Variants in SAMD3 observed in about 807,000 individuals in gnomAD.
SAMD3 encodes sterile alpha motif domain containing 3.
Under a neutral mutation model 58.5 loss-of-function variants are expected in SAMD3, and 63 were observed. That is an observed-to-expected ratio of 1.08 (90% CI 0.88 to 1.33). The LOEUF (loss-of-function observed/expected upper bound fraction) is 1.33, where lower values mean the gene tolerates loss of function less well. SAMD3 is among the 40% of genes most tolerant of loss of function. The probability of loss-of-function intolerance (pLI) is 0.00; values close to 1 mark genes in which losing one functional copy is unlikely to be tolerated. For missense variants in SAMD3, 604 were observed against 608.4 expected, an observed-to-expected ratio of 0.99 and a Z score of 0.08; for synonymous variants, 220 against 210.3, an observed-to-expected ratio of 1.05 and a Z score of -0.40.
intron 8 of SAMD3, among the ~76,000 whole-genome samples, chr6:130,171,221 G>T (rs903285096): frequency 5.3e-5 from 8 of 152,180 alleles, no homozygotes; most frequent in African/African-American, 1.9e-4. Flanking sequence ...CATTGGTTCT[G>T]TTTATGTAAT....
chr6:130,294,909 ATTTTTTTTTTTTTTTTTT>A (rs774036634), intron 2 of SAMD3, among the ~76,000 whole-genome samples: 11 of 56,146 alleles, frequency 2.0e-4, no homozygotes, highest in South Asian at 5.7e-4. Flanking sequence ...CATTTCTCTG[ATTTTTTTTTTTTTTTTTT>A]TTTTTTTTTT....
intron 1 of SAMD3, among the ~76,000 whole-genome samples, chr6:130,319,567 A>T (rs1468625545): frequency 6.6e-6 from 1 of 152,138 alleles, no homozygotes; most frequent in Non-Finnish European, 1.5e-5. Context: ...TGCAAAAATG[A>T]AGGTACATAT....
rs370900919 is a variant in SAMD3 at position 130,312,393 on chromosome 6, T to C, written c.-188+585A>G. On this transcript the variant is annotated intron_variant, in intron 2 of 13. Coordinates refer to the SAMD3 transcript ENST00000368134. Reference sequence around the variant, plus strand: ...ATTCCTGAATCATGCTTGCTCACCGTACCGTTACACGGTGCTCTTTCCTCC... The same window carrying C: ...ATTCCTGAATCATGCTTGCTCACCGCACCGTTACACGGTGCTCTTTCCTCC... Among the ~76,000 whole-genome samples the C allele has an allele frequency of 4.6e-5, 7 of 152,348 alleles. 1 individual carries two copies.
At chr6:130,144,296 CAAAAT>C (rs1195557729), downstream of SAMD3, 6 of 521,278 alleles carry the variant, frequency 1.2e-5, no homozygotes, top group Admixed American at 3.8e-5. Context: ...TCTAAAAACT[CAAAAT>C]AAATCGACAG....
At chr6:130,334,495 G>A (rs1023891467) in intron 1 of SAMD3, among the ~76,000 whole-genome samples, 6 of 152,200 alleles carry the variant, frequency 3.9e-5, no homozygotes, top group Admixed American at 3.3e-4. Flanking sequence ...TAGTATGGTA[G>A]AAACAGCAAC....
At chr6:130,176,182 T>C (rs1217439585) in intron 7 of SAMD3, 174 bp from the exon 8 acceptor site, 4 of 680,354 alleles carry the variant, frequency 5.9e-6, no homozygotes, top group Non-Finnish European at 1.1e-5. Context: ...AGCAATCTTG[T>C]GACACTGCTA....
At position 130,333,112 on chromosome 6, in the gene SAMD3, T is replaced by C. The variant is rs909175525; in HGVS notation, c.-303-20019A>G. 2.0e-5 allele frequency among the ~76,000 whole-genome samples: 3 copies of C among 148,340 alleles called. No individual in the cohort carries two copies. The East Asian group carries it at 5.9e-4, about 29-fold the overall frequency. On this transcript the variant is annotated intron_variant, in intron 1 of 13. Coordinates refer to the SAMD3 transcript ENST00000368134. ...TAAGGGGGTGACAAGTTTTGAGGAG[T>C]GATGAGAAGGTGTAAATCAGTCTTC...
intron 11 of SAMD3, among the ~76,000 whole-genome samples, chr6:130,145,086 C>A (rs1788495141): frequency 1.3e-5 from 2 of 152,050 alleles, no homozygotes. Context: ...ACCGTGAAAC[C>A]CCGTCTCTAC....
Position 130,334,880 on chromosome 6 carries a change from A to G in SAMD3, c.-303-21787T>C, listed in dbSNP as rs536160059. Among the ~76,000 whole-genome samples, 12 of 152,352 alleles carry G rather than the reference A, an allele frequency of 7.9e-5. No homozygotes were observed. In the East Asian group the frequency reaches 2.1e-3, roughly 27 times the overall value. On this transcript the variant is annotated intron_variant, in intron 1 of 13. Transcript: ENST00000368134. The stretch of plus-strand genomic sequence containing the variant: ...GCAGGGAGATGTGAACAACCAGGTT[A>G]TATTTACAGTAGACAAATCTGTTAC...
At chr6:130,324,419 A>G (rs72992428) in intron 1 of SAMD3, among the ~76,000 whole-genome samples, 15,862 of 152,270 alleles carry the variant, frequency 0.1, 976 homozygotes, top group Admixed American at 0.14. Context: ...AATATTCTTG[A>G]CAGTCTATAT....
At chr6:130,192,931 G>T (rs1793691747) in intron 5 of SAMD3, among the ~76,000 whole-genome samples, 1 of 151,906 alleles carries the variant, frequency 6.6e-6, no homozygotes, top group Admixed American at 6.6e-5. Flanking sequence ...TTTCAATCTT[G>T]GCGCCACACT....
intron 1 of SAMD3, among the ~76,000 whole-genome samples, chr6:130,336,621 T>C (rs1043302936): frequency 6.6e-6 from 1 of 152,226 alleles, no homozygotes; most frequent in African/African-American, 2.4e-5. Context: ...GTGCCTGCCA[T>C]CATTGTGCTT....
At chr6:130,318,795 T>A (rs948903812) in intron 1 of SAMD3, among the ~76,000 whole-genome samples, 1 of 152,182 alleles carries the variant, frequency 6.6e-6, no homozygotes, top group Non-Finnish European at 1.5e-5. Flanking sequence ...TGGTAAAGAA[T>A]AATTAGTTGA....
intron 1 of SAMD3, among the ~76,000 whole-genome samples, chr6:130,351,553 T>C (rs371343284): frequency 1.3e-5 from 2 of 152,164 alleles, no homozygotes; most frequent in African/African-American, 2.4e-5. Flanking sequence ...GTTAGAATGG[T>C]GATCATTAAA....
At chr6:130,225,506 G>A (rs1796362648), upstream of SAMD3, among the ~76,000 whole-genome samples, 1 of 152,150 alleles carries the variant, frequency 6.6e-6, no homozygotes, top group Non-Finnish European at 1.5e-5. Flanking sequence ...TGGGACTACT[G>A]GATCAGTTTC....
intron 2 of SAMD3, among the ~76,000 whole-genome samples, chr6:130,228,164 T>G (rs1796436779): frequency 6.6e-6 from 1 of 152,194 alleles, no homozygotes; most frequent in South Asian, 2.1e-4. Context: ...ACATGTTGTA[T>G]ATACAAAGCC....
chr6:130,217,646 G>A (rs1796070488), intron 1 of SAMD3, among the ~76,000 whole-genome samples: 1 of 152,190 alleles, frequency 6.6e-6, no homozygotes, highest in African/African-American at 2.4e-5. Flanking sequence ...TGCTGTGAAC[G>A]TGATTTATAA....
rs368631301 is a variant in SAMD3 at position 130,209,650 on chromosome 6, T to C, written c.270-42A>G. 1.5e-4 allele frequency: 190 copies of C among 1,270,794 alleles called. No individual in the cohort carries two copies. The African/African-American group carries it at 2.6e-3, about 17-fold the overall frequency. 78.7% of individuals were successfully genotyped at this position (1,270,794 alleles called of 1,614,324 possible). On this transcript the variant is annotated intron_variant, in intron 4 of 11. Transcript: ENST00000439090. ...GGGTCAGGCACTATTCAAGAGGTGA[T>C]ATGACCATTGATCTCACAGCAGCTC...
intron 1 of SAMD3, among the ~76,000 whole-genome samples, chr6:130,219,316 A>G (rs1301606665): frequency 6.8e-6 from 1 of 148,012 alleles, no homozygotes; most frequent in Admixed American, 7.0e-5. Flanking sequence ...TTTTTTTTAA[A>G]TTACAGGGAT....
Sources: allele counts gnomAD v4.1 joint callset (sites outside exome capture counted in the v4.1 genomes callset), GRCh38; gene constraint gnomAD v4.1.1; transcripts MANE v1.5; gene names NCBI Gene and HGNC (gene_info 2026-07-23, HGNC 2026-07-21).